The following PRH1 variants were observed in gnomAD, a reference collection of about 807,000 sequenced individuals.
PRH1 encodes the protein proline rich protein HaeIII subfamily 1.
PRH1 carries 7 observed loss-of-function variants against 7.9 expected under a neutral mutation model. The ratio of observed to expected loss-of-function variants is 0.89; its 90% CI spans 0.50 to 1.67. PRH1 has a LOEUF of 1.67. Among genes scored for constraint, PRH1 ranks in the 40% most tolerant of loss-of-function variants. PRH1 has a pLI of 0.00. For synonymous variants in PRH1, 45 were observed against 80.8 expected (o/e 0.56, Z 2.38); for missense variants, 109 against 223.6 (o/e 0.49, Z 3.27).
intron 1 of PRH1, chr12:11,171,252 A>G (rs61928643): frequency 0.26 from 185,849 of 718,884 alleles, 24,409 homozygotes; most frequent in Non-Finnish European, 0.27. Context: ...TGAGCCCGGG[A>G]GCCGCTTTGC....
intron 2 of PRH1, among the ~76,000 whole-genome samples, chr12:10,962,839 G>C (rs11054086): frequency 0.24 from 36,910 of 151,960 alleles, 4,497 homozygotes; most frequent in Non-Finnish European, 0.25. Context: ...GCGCGATCTC[G>C]GCTCACTGCA....
chr12:11,036,925 G>A (rs1457280351), intron 1 of PRH1, among the ~76,000 whole-genome samples: 2 of 152,186 alleles, frequency 1.3e-5, no homozygotes, highest in Non-Finnish European at 2.9e-5. Context: ...GGAGCTCAGC[G>A]TGATGAGAGA....
chr12:10,885,158 C>T (rs1193228269), upstream of PRH1, among the ~76,000 whole-genome samples: 1 of 152,142 alleles, frequency 6.6e-6, no homozygotes, highest in African/African-American at 2.4e-5. Flanking sequence ...TAAATGGCCA[C>T]AATTATACAT....
At chr12:11,164,831 T>A (rs1947523696) in intron 1 of PRH1, among the ~76,000 whole-genome samples, 1 of 152,190 alleles carries the variant, frequency 6.6e-6, no homozygotes, top group Admixed American at 6.5e-5. Flanking sequence ...ATTATACAGT[T>A]TACTTTTGGC....
At chr12:11,065,995 T>C (rs1444151210) in intron 1 of PRH1, among the ~76,000 whole-genome samples, 1 of 152,202 alleles carries the variant, frequency 6.6e-6, no homozygotes, top group Non-Finnish European at 1.5e-5. Context: ...CAACCACAGC[T>C]CCACCTTTCT....
At chr12:10,992,550 G>T (rs896767531) in intron 1 of PRH1, among the ~76,000 whole-genome samples, 1 of 152,154 alleles carries the variant, frequency 6.6e-6, no homozygotes, top group Non-Finnish European at 1.5e-5. Flanking sequence ...TTCCTGGGTA[G>T]TTGGAACTAC....
intron 1 of PRH1, among the ~76,000 whole-genome samples, chr12:11,132,129 G>A (rs1441437465): frequency 1.3e-5 from 2 of 152,144 alleles, no homozygotes; most frequent in Admixed American, 6.5e-5. Context: ...GTAGAATTTA[G>A]CTGTAAACAA....
chr12:11,140,039 C>T (rs1946660767), intron 1 of PRH1, among the ~76,000 whole-genome samples: 1 of 151,824 alleles, frequency 6.6e-6, no homozygotes, highest in African/African-American at 2.4e-5. Flanking sequence ...ATAGTTATTT[C>T]ATATACATTT....
At chr12:10,983,951 A>T (rs552315108) in intron 1 of PRH1, among the ~76,000 whole-genome samples, 30 of 152,246 alleles carry the variant, frequency 2.0e-4, no homozygotes, top group African/African-American at 7.2e-4. Flanking sequence ...AGGCTAAGAT[A>T]CTCGTTTAGT....
chr12:11,091,115 C>CACACATATAT lies in PRH1; in HGVS notation n.124-43928_124-43927insATATATGTGT, dbSNP rs751016037. On this transcript the variant is annotated intron_variant and non_coding_transcript_variant, in intron 1 of 4. Transcript: ENST00000541977. ...ACACAAATACACACACACACACACA[C>CACACATATAT]ATATATATATATATATATATATATA... 8.4e-3 allele frequency among the ~76,000 whole-genome samples: 210 copies of CACACATATAT among 25,104 alleles called. 36 individuals carry two copies. The East Asian group carries it at 0.13, about 15-fold the overall frequency. 16.5% of individuals were successfully genotyped at this position (25,104 alleles called of 152,430 possible).
chr12:11,112,040 C>T (rs1041109914), intron 1 of PRH1, among the ~76,000 whole-genome samples: 1 of 152,128 alleles, frequency 6.6e-6, no homozygotes, highest in Non-Finnish European at 1.5e-5. Context: ...TGCAAATACG[C>T]TAGAAAATTT....
upstream of PRH1, among the ~76,000 whole-genome samples, chr12:10,885,141 T>C (rs1949471667): frequency 6.6e-6 from 1 of 152,210 alleles, no homozygotes; most frequent in Non-Finnish European, 1.5e-5. Context: ...TTGTCATCAC[T>C]GATAATTAAA....
intron 2 of PRH1, among the ~76,000 whole-genome samples, chr12:10,905,270 G>A (rs942764099): frequency 4.0e-5 from 6 of 150,994 alleles, no homozygotes; most frequent in Admixed American, 2.0e-4. Context: ...CTGTTCACAA[G>A]AAAATAAATC....
downstream of PRH1, among the ~76,000 whole-genome samples, chr12:11,119,563 T>C (rs1290252553): frequency 6.6e-6 from 1 of 151,972 alleles, no homozygotes; most frequent in Admixed American, 6.6e-5. Flanking sequence ...TCCACAAAAC[T>C]TAAAAATACA....
At chr12:11,112,306 G>C (rs1425434516) in intron 1 of PRH1, among the ~76,000 whole-genome samples, 1 of 152,102 alleles carries the variant, frequency 6.6e-6, no homozygotes, top group Non-Finnish European at 1.5e-5. Context: ...CATTTTATGA[G>C]GCCAGCATCA....
chr12:10,997,024 C>T lies in PRH1; in HGVS notation c.-125-23303G>A, dbSNP rs138319813. 604 of 1,613,992 alleles carry T rather than the reference C, an allele frequency of 3.7e-4. 2 individuals are homozygous for T. In the African/African-American group the frequency reaches 7.3e-3, roughly 20 times the overall value. Reference sequence around the variant, plus strand: ...CTGAAAGAAAGGTCTGCTTTAGCGTCTTGTTCCCCCAAATCAGAATGAATG... The same window carrying T: ...CTGAAAGAAAGGTCTGCTTTAGCGTTTTGTTCCCCCAAATCAGAATGAATG... On this transcript the variant is annotated intron_variant, in intron 1 of 3. Coordinates refer to the PRH1 transcript ENST00000539853.
intron 1 of PRH1, among the ~76,000 whole-genome samples, chr12:11,099,836 T>C (rs1397537682): frequency 2.0e-5 from 3 of 152,164 alleles, no homozygotes; most frequent in Non-Finnish European, 2.9e-5. Flanking sequence ...GTGGGAAATA[T>C]GTACAACTTT....
chr12:11,000,830 C>G (rs1940551568), intron 1 of PRH1, among the ~76,000 whole-genome samples: 1 of 152,048 alleles, frequency 6.6e-6, no homozygotes, highest in African/African-American at 2.4e-5. Context: ...TGGTTGTTAA[C>G]TCTGTCTATT....
chr12:11,003,660 A>T (rs865914143), intron 1 of PRH1, among the ~76,000 whole-genome samples: 8 of 151,956 alleles, frequency 5.3e-5, no homozygotes, highest in Admixed American at 3.9e-4. Context: ...TTCTTTGGTA[A>T]GGAGTTATAA....
Sources: allele counts gnomAD v4.1 joint callset (sites outside exome capture counted in the v4.1 genomes callset), GRCh38; gene constraint gnomAD v4.1.1; transcripts MANE v1.5; gene names NCBI Gene and HGNC (gene_info 2026-07-23, HGNC 2026-07-21).